NOX4: variants seen among roughly 807,000 people sequenced by gnomAD.
NOX4 encodes the protein kidney oxidase-1.
Under a neutral mutation model 87.6 loss-of-function variants are expected in NOX4, and 69 were observed. That is an observed-to-expected ratio of 0.79 (90% CI 0.65 to 0.96). The LOEUF (loss-of-function observed/expected upper bound fraction) is 0.96, where lower values mean the gene tolerates loss of function less well. NOX4 is among the 40% of genes least tolerant of loss of function. NOX4 has a pLI of 0.00. For missense variants in NOX4, 680 were observed against 681.5 expected, an observed-to-expected ratio of 1.00 and a Z score of 0.02; for synonymous variants, 275 against 238.2, an observed-to-expected ratio of 1.15 and a Z score of -1.42.
At chr11:89,418,208 C>T (rs1391668177) in intron 8 of NOX4, among the ~76,000 whole-genome samples, 1 of 151,644 alleles carries the variant, frequency 6.6e-6, no homozygotes, top group Non-Finnish European at 1.5e-5. Flanking sequence ...TTCACTCTGC[C>T]AAAATCAGAT....
intron 2 of NOX4, chr11:89,488,965 T>A: frequency 1.4e-6 from 1 of 702,098 alleles, no homozygotes; most frequent in South Asian, 1.5e-5. Context: ...TGGGTGCCCA[T>A]CTGAAATGTA....
chr11:89,520,153 G>C, the NOX4 span, among the ~76,000 whole-genome samples: 1 of 151,938 alleles, frequency 6.6e-6, no homozygotes, highest in African/African-American at 2.4e-5. Flanking sequence ...CAATATGGAA[G>C]AGGGATATTG....
At chr11:89,493,242 G>A (rs188533167), upstream of NOX4, among the ~76,000 whole-genome samples, 487 of 152,138 alleles carry the variant, frequency 3.2e-3, 2 homozygotes, top group East Asian at 0.024. Context: ...AAAATTAGCC[G>A]GGCGTGGTGG....
chr11:89,501,061 G>A (rs1433642342), upstream of NOX4, among the ~76,000 whole-genome samples: 1 of 152,024 alleles, frequency 6.6e-6, no homozygotes, highest in Admixed American at 6.6e-5. Flanking sequence ...TTATTACCAA[G>A]CTGTAGCCCT....
chr11:89,575,007 AC>A, the NOX4 span, among the ~76,000 whole-genome samples: 3 of 151,920 alleles, frequency 2.0e-5, no homozygotes, highest in African/African-American at 7.3e-5. Context: ...ACATGGTAAA[AC>A]CCCGTCTCTA....
At chr11:89,542,976 G>T in the NOX4 span, among the ~76,000 whole-genome samples, 9 of 152,102 alleles carry the variant, frequency 5.9e-5, no homozygotes, top group African/African-American at 2.2e-4. Context: ...ACTGAAGTAG[G>T]AGCTCTACAG....
chr11:89,463,973 A>T (rs1175039155), intron 2 of NOX4, among the ~76,000 whole-genome samples: 1 of 152,086 alleles, frequency 6.6e-6, no homozygotes, highest in Admixed American at 6.5e-5. Context: ...AAAGGATTGT[A>T]TATGACAATT....
At chr11:89,390,736 C>T (rs1478344679) in intron 11 of NOX4, among the ~76,000 whole-genome samples, 6 of 152,090 alleles carry the variant, frequency 3.9e-5, no homozygotes, top group Non-Finnish European at 7.4e-5. Context: ...ATGACTTCAT[C>T]ATAGACCAGA....
the NOX4 span, among the ~76,000 whole-genome samples, chr11:89,573,956 G>A: frequency 2.6e-5 from 4 of 152,104 alleles, no homozygotes; most frequent in Non-Finnish European, 5.9e-5. Flanking sequence ...TTTTCCGGTG[G>A]AGTCGCCCCA....
At position 89,468,801 on chromosome 11, in the gene NOX4, A is replaced by G. The variant is rs559993784; in HGVS notation, c.154-16906T>C. Among the ~76,000 whole-genome samples, 7 of 152,262 alleles carry G rather than the reference A, an allele frequency of 4.6e-5. No homozygotes were observed. In the East Asian group the frequency reaches 1.2e-3, roughly 25 times the overall value. On this transcript the variant is annotated intron_variant, in intron 2 of 17. Coordinates refer to ENST00000263317, the MANE Select transcript of NOX4 (RefSeq NM_016931.5). ...ATTCTGTCACTCAGGCTGGAGTCCA[A>G]TGGTGTAATCACAGCTCACTGCAGC... is the stretch of plus-strand genomic sequence containing the variant.
chr11:89,356,429 G>A (rs1172866972), intron 12 of NOX4, among the ~76,000 whole-genome samples: 4 of 97,422 alleles, frequency 4.1e-5, no homozygotes, highest in African/African-American at 3.3e-4. Flanking sequence ...GAGGAAGGGG[G>A]AAAAAAAAAG....
intron 6 of NOX4, among the ~76,000 whole-genome samples, chr11:89,433,374 GC>G (rs1943913300): frequency 6.6e-6 from 1 of 151,846 alleles, no homozygotes; most frequent in Non-Finnish European, 1.5e-5. Context: ...ACTCAGAATG[GC>G]AAATAGGTAC....
intron 12 of NOX4, among the ~76,000 whole-genome samples, chr11:89,359,284 CT>C (rs1337828763): frequency 9.9e-5 from 15 of 151,778 alleles, no homozygotes; most frequent in Non-Finnish European, 4.4e-5. Flanking sequence ...GTTTCATTTT[CT>C]CCTTTGCAGA....
chr11:89,402,384 T>C lies in NOX4; in HGVS notation c.788A>G (p.Gln263Arg). The change falls in exon 9 of 18, where the codon CAG becomes CGG. Residue 263 changes from glutamine (Q) to arginine (R), a missense_variant. Physicochemically the swap from Gln to Arg is conservative, Grantham distance 43 (BLOSUM62 1). Coordinates refer to ENST00000263317, the MANE Select transcript of NOX4 (RefSeq NM_016931.5). ...CATACAAATCTTCACAAATTTGTGC[T>C]GGGTAAACTCTGCCGGTTTTGAAAA... is the stretch of plus-strand genomic sequence containing the variant. ...EGFSKPAEFTQHKFVKICMEE... is the reference protein window; with the variant it reads ...EGFSKPAEFTRHKFVKICMEE... The C allele has an allele frequency of 6.2e-7, 1 of 1,613,378 alleles. No individual in the cohort carries two copies. Among genetic ancestry groups the C allele is most frequent in the African/African-American group, 1.3e-5 (1 of 75,004 alleles).
the NOX4 span, among the ~76,000 whole-genome samples, chr11:89,562,998 G>A: frequency 6.6e-6 from 1 of 152,120 alleles, no homozygotes; most frequent in Non-Finnish European, 1.5e-5. Flanking sequence ...CTCCGCTCAC[G>A]CTCTTTCTGT....
Position 89,345,827 on chromosome 11 carries a change from C to A in NOX4, c.1218-3634G>T, listed in dbSNP as rs112333083. ...TAATAAGAGCCATCTATGACAAACC[C>A]ACAACCAACATGATCCTGAATTGGC... On this transcript the variant is annotated intron_variant, in intron 13 of 17. Transcript: ENST00000263317. Among the ~76,000 whole-genome samples, 93 of 152,090 alleles carry A rather than the reference C, an allele frequency of 6.1e-4. 2 individuals carry two copies. Among genetic ancestry groups the A allele is most frequent in the African/African-American group, 1.9e-3 (79 of 41,496 alleles).
upstream of NOX4, among the ~76,000 whole-genome samples, chr11:89,502,713 T>C (rs1947035325): frequency 6.6e-6 from 1 of 152,092 alleles, no homozygotes; most frequent in Non-Finnish European, 1.5e-5. Context: ...ATATTTTTGA[T>C]GTTGAGAAAC....
the NOX4 span, among the ~76,000 whole-genome samples, chr11:89,573,997 A>AGT: frequency 6.6e-6 from 1 of 152,160 alleles, no homozygotes; most frequent in Non-Finnish European, 1.5e-5. Flanking sequence ...TTGCCTCTTA[A>AGT]TGCATATGCC....
At chr11:89,557,916 G>A in the NOX4 span, among the ~76,000 whole-genome samples, 1 of 152,108 alleles carries the variant, frequency 6.6e-6, no homozygotes, top group Non-Finnish European at 1.5e-5. Flanking sequence ...TGGTGTCAGG[G>A]AGACAGGAAA....
Sources: gnomAD v4.1 joint callset for allele counts (sites outside exome capture counted in the v4.1 genomes callset) on GRCh38, gnomAD v4.1.1 for gene constraint, MANE v1.5 for transcripts, NCBI Gene and HGNC (gene_info 2026-07-23, HGNC 2026-07-21) for gene names.